PLXDC2: variants seen among roughly 807,000 people sequenced by gnomAD.
The protein encoded by PLXDC2 is plexin domain-containing protein 2.
A neutral mutation model predicts 68.9 loss-of-function variants in PLXDC2; 40 were observed. That is an observed-to-expected ratio of 0.58 (90% CI 0.45 to 0.76). The LOEUF (loss-of-function observed/expected upper bound fraction) is 0.76, where lower values mean the gene tolerates loss of function less well. PLXDC2 is among the 30% of genes least tolerant of loss of function. The probability of loss-of-function intolerance (pLI) is 0.00; values close to 1 mark genes in which losing one functional copy is unlikely to be tolerated. For missense variants in PLXDC2, 644 were observed against 661.9 expected (o/e 0.97, Z 0.30); for synonymous variants, 243 against 234.2 (o/e 1.04, Z -0.34).
chr10:20,116,727 T>C (rs763368266), intron 4 of PLXDC2, among the ~76,000 whole-genome samples: 1 of 152,184 alleles, frequency 6.6e-6, no homozygotes, highest in Non-Finnish European at 1.5e-5. Context: ...AGGAGAAATT[T>C]GAAGTCAGAA....
At chr10:19,907,724 T>A (rs1043472253) in intron 1 of PLXDC2, among the ~76,000 whole-genome samples, 1 of 152,244 alleles carries the variant, frequency 6.6e-6, no homozygotes, top group African/African-American at 2.4e-5. Flanking sequence ...ATGCTTTTCT[T>A]GTACATCACT....
At chr10:19,921,992 G>A (rs918461988) in intron 1 of PLXDC2, among the ~76,000 whole-genome samples, 1 of 152,108 alleles carries the variant, frequency 6.6e-6, no homozygotes, top group South Asian at 2.1e-4. Context: ...CGAGTAGGTG[G>A]GACTAACAGT....
At chr10:20,194,140 T>A (rs181450377) in intron 9 of PLXDC2, among the ~76,000 whole-genome samples, 2 of 151,774 alleles carry the variant, frequency 1.3e-5, no homozygotes, top group African/African-American at 4.8e-5. Context: ...ATATATGTAA[T>A]TTTTAAGCAT....
chr10:20,219,321 A>G (rs1835181140), intron 12 of PLXDC2, among the ~76,000 whole-genome samples: 1 of 152,174 alleles, frequency 6.6e-6, no homozygotes, highest in South Asian at 2.1e-4. Flanking sequence ...ACCAATTCCC[A>G]ATGATAAAGT....
At chr10:20,040,390 C>A (rs919959560) in intron 2 of PLXDC2, among the ~76,000 whole-genome samples, 1 of 152,290 alleles carries the variant, frequency 6.6e-6, no homozygotes, top group Middle Eastern at 3.4e-3. Flanking sequence ...ACCCTTGGAT[C>A]ATGCTAATAC....
intron 1 of PLXDC2, among the ~76,000 whole-genome samples, chr10:19,834,655 G>T (rs1035340445): frequency 1.3e-5 from 2 of 152,190 alleles, no homozygotes; most frequent in African/African-American, 4.8e-5. Flanking sequence ...TAATTGTTTC[G>T]AAAGGACTGA....
In PLXDC2 at chr10:19,933,059, C is replaced by T. The variant is rs570487565; in HGVS notation, c.113-68716C>T. Reference sequence around the variant, plus strand: ...AAAATCAGTGTCAAACAAACAAGCACGGTACCAAGCATGCAAGTGTTGTTA... The same window carrying T: ...AAAATCAGTGTCAAACAAACAAGCATGGTACCAAGCATGCAAGTGTTGTTA... On this transcript the variant is annotated intron_variant, in intron 1 of 13. Coordinates refer to ENST00000377252, the MANE Select transcript of PLXDC2 (RefSeq NM_032812.9). Among the ~76,000 whole-genome samples, 322 of 152,258 alleles carry T rather than the reference C, an allele frequency of 2.1e-3. 2 individuals carry two copies. Among genetic ancestry groups the T allele is most frequent in the Non-Finnish European group, 2.9e-3 (197 of 68,016 alleles).
intron 4 of PLXDC2, among the ~76,000 whole-genome samples, chr10:20,098,232 C>T (rs959178334): frequency 2.0e-5 from 3 of 152,064 alleles, no homozygotes; most frequent in African/African-American, 7.2e-5. Context: ...GTAGGCTCTA[C>T]AGGAAAATGT....
intron 12 of PLXDC2, among the ~76,000 whole-genome samples, chr10:20,229,939 A>G (rs528062154): frequency 2.6e-5 from 4 of 152,226 alleles, no homozygotes; most frequent in Non-Finnish European, 2.9e-5. Flanking sequence ...AAAAAAATGC[A>G]AAAACATACA....
intron 2 of PLXDC2, among the ~76,000 whole-genome samples, chr10:20,034,655 G>A (rs977021536): frequency 1.3e-5 from 2 of 152,328 alleles, no homozygotes; most frequent in East Asian, 1.9e-4. Context: ...GCATAAGAAT[G>A]TAGAATGCCT....
At chr10:20,121,984 G>T (rs1833703633) in intron 4 of PLXDC2, among the ~76,000 whole-genome samples, 1 of 152,018 alleles carries the variant, frequency 6.6e-6, no homozygotes, top group Non-Finnish European at 1.5e-5. Flanking sequence ...CAAGGAGGGA[G>T]TAGAGGTATC....
intron 13 of PLXDC2, among the ~76,000 whole-genome samples, chr10:20,257,218 G>C (rs1835753320): frequency 6.6e-6 from 1 of 152,176 alleles, no homozygotes; most frequent in African/African-American, 2.4e-5. Context: ...AAGTACACAA[G>C]AAGGCCCCAT....
At chr10:19,873,245 G>T (rs1453875202) in intron 1 of PLXDC2, among the ~76,000 whole-genome samples, 2 of 152,072 alleles carry the variant, frequency 1.3e-5, no homozygotes, top group Non-Finnish European at 1.5e-5. Flanking sequence ...ACTCTTCTAT[G>T]GGATGCTGGC....
At chr10:20,231,286 A>T (rs1034211598) in intron 12 of PLXDC2, among the ~76,000 whole-genome samples, 1 of 149,966 alleles carries the variant, frequency 6.7e-6, no homozygotes, top group African/African-American at 2.4e-5. Flanking sequence ...AATATATATA[A>T]ATGTTTGATA....
At chr10:19,927,277 C>A (rs1490455347) in intron 1 of PLXDC2, among the ~76,000 whole-genome samples, 1 of 152,108 alleles carries the variant, frequency 6.6e-6, no homozygotes, top group Non-Finnish European at 1.5e-5. Flanking sequence ...ATTGGGAGCA[C>A]AGGAGAGGGA....
intron 1 of PLXDC2, among the ~76,000 whole-genome samples, chr10:19,851,077 G>A (rs1837108351): frequency 6.6e-6 from 1 of 152,056 alleles, no homozygotes; most frequent in Non-Finnish European, 1.5e-5. Context: ...TAAAAACAAA[G>A]TATTTTATGA....
chr10:20,135,397 G>C (rs1315154846), intron 4 of PLXDC2, among the ~76,000 whole-genome samples: 1 of 152,134 alleles, frequency 6.6e-6, no homozygotes, highest in Non-Finnish European at 1.5e-5. Flanking sequence ...TAGGGAGGTG[G>C]GGAGGGGAGC....
At chr10:20,140,808 C>T (rs1163100310) in intron 4 of PLXDC2, among the ~76,000 whole-genome samples, 2 of 151,882 alleles carry the variant, frequency 1.3e-5, no homozygotes, top group East Asian at 1.9e-4. Context: ...ACAATATTCC[C>T]TGAATTAGTA....
intron 13 of PLXDC2, among the ~76,000 whole-genome samples, chr10:20,276,121 G>T (rs932803133): frequency 2.6e-5 from 4 of 152,090 alleles, no homozygotes. Context: ...ATTTCTAATC[G>T]ACTGCTTGAC....
Sources: allele counts gnomAD v4.1 joint callset (sites outside exome capture counted in the v4.1 genomes callset), GRCh38; gene constraint gnomAD v4.1.1; transcripts MANE v1.5; gene names NCBI Gene and HGNC (gene_info 2026-07-23, HGNC 2026-07-21).